The following HMGXB4 variants were observed in gnomAD, a reference collection of about 807,000 sequenced individuals.
HMGXB4 encodes the protein HMG domain-containing protein 4.
Under a neutral mutation model 63.9 loss-of-function variants are expected in HMGXB4, and 27 were observed. The observed-to-expected ratio is 0.42, with a 90% confidence interval of 0.31 to 0.58. The LOEUF (loss-of-function observed/expected upper bound fraction) is 0.58. Among genes scored for constraint, HMGXB4 ranks in the 20% least tolerant of loss-of-function variants. The pLI is 0.13. For missense variants in HMGXB4, 624 were observed against 700.7 expected (o/e 0.89, Z 1.24); for synonymous variants, 264 against 265.3 (o/e 0.99, Z 0.05).
upstream of HMGXB4, among the ~76,000 whole-genome samples, chr22:35,254,720 C>A (rs1922317771): frequency 6.6e-6 from 1 of 152,210 alleles, no homozygotes; most frequent in African/African-American, 2.4e-5. Flanking sequence ...ACAGTACCTG[C>A]CACATGCTGT....
At position 35,265,405 on chromosome 22, in the gene HMGXB4, C is replaced by T; in HGVS notation, c.1017C>T (p.His339=). ...AGGAGAAGCATAAAGAGAAGCGACA[C>T]TCCAAGTCCAAGAGAAGTTTAGGAC... ...KDKEKHKEKR[H]SKSKRSLGLS... Residue 339 remains histidine (H), a synonymous_variant, in exon 5 of 11, where the codon CAC becomes CAT. Transcript: ENST00000216106. The T allele has an allele frequency of 1.2e-6, 2 of 1,614,078 alleles. No individual in the cohort carries two copies. The highest frequency in any genetic ancestry group is 1.7e-6 in the Non-Finnish European group (2 of 1,180,010).
chr22:35,264,177 C>A, intron 4 of HMGXB4: 1 of 804,516 alleles, frequency 1.2e-6, no homozygotes, highest in Non-Finnish European at 1.9e-6. Flanking sequence ...ATACGTAGTC[C>A]TCTGGCCTGC....
chr22:35,248,218 A>G, the HMGXB4 span, among the ~76,000 whole-genome samples: 1 of 152,160 alleles, frequency 6.6e-6, no homozygotes, highest in African/African-American at 2.4e-5. Flanking sequence ...TTTCATTGCT[A>G]CAAAGAAATA....
chr22:35,273,756 A>G (rs1923742599), intron 5 of HMGXB4, among the ~76,000 whole-genome samples: 1 of 152,248 alleles, frequency 6.6e-6, no homozygotes, highest in South Asian at 2.1e-4. Flanking sequence ...GAAAGAAAAC[A>G]GGGCCTCTAA....
rs144934699 is a variant in HMGXB4, at chr22:35,284,885, A to G, written c.1297+842A>G. ...TAAAATCGCTGCCCTACCAACTCCA[A>G]AAGACTGCAGTGTTAGGCACACATG... is the stretch of plus-strand genomic sequence containing the variant. On this transcript the variant is annotated intron_variant, in intron 6 of 10. Transcript: ENST00000216106. Among the ~76,000 whole-genome samples, 468 of 152,304 alleles carry G rather than the reference A, an allele frequency of 3.1e-3. 2 individuals carry two copies. The highest frequency in any genetic ancestry group is 0.011 in the African/African-American group (450 of 41,558).
intron 5 of HMGXB4, among the ~76,000 whole-genome samples, chr22:35,282,819 T>A (rs1924349165): frequency 6.6e-6 from 1 of 152,156 alleles, no homozygotes; most frequent in Admixed American, 6.5e-5. Context: ...CAATGAGAAA[T>A]TTGGATAGAT....
intron 5 of HMGXB4, among the ~76,000 whole-genome samples, chr22:35,278,472 G>A (rs183172368): frequency 4.6e-5 from 7 of 152,154 alleles, no homozygotes; most frequent in African/African-American, 9.6e-5. Context: ...AGCCCCATTC[G>A]TACAAGGATC....
rs1925064042 is a variant in HMGXB4, at chr22:35,293,676, C to G, written c.*25C>G. On this transcript the variant is annotated 3_prime_UTR_variant, in exon 11 of 11. Coordinates refer to ENST00000216106, the MANE Select transcript of HMGXB4 (RefSeq NM_001003681.3). Reference sequence around the variant, plus strand: ...ACAGCAAAGAATCCTGGGACAGAAACCTTATCCTACACCATTGCTGGTTTG... The same window carrying G: ...ACAGCAAAGAATCCTGGGACAGAAAGCTTATCCTACACCATTGCTGGTTTG... 6.4e-7 allele frequency: 1 copy of G among 1,568,974 alleles called. No homozygotes were observed.
intron 6 of HMGXB4, among the ~76,000 whole-genome samples, chr22:35,285,524 G>A (rs559357630): frequency 1.9e-4 from 29 of 152,200 alleles, no homozygotes; most frequent in African/African-American, 5.1e-4. Context: ...CAGCCTGGGC[G>A]ACAGAGCGAG....
the HMGXB4 span, among the ~76,000 whole-genome samples, chr22:35,247,642 C>T: frequency 6.6e-6 from 1 of 151,856 alleles, no homozygotes; most frequent in African/African-American, 2.4e-5. Context: ...GGCATTAAGC[C>T]AAGGCAGCCA....
chr22:35,281,096 G>C (rs1279967187), intron 5 of HMGXB4, among the ~76,000 whole-genome samples: 3 of 152,084 alleles, frequency 2.0e-5, no homozygotes, highest in Non-Finnish European at 2.9e-5. Context: ...TACTTTAATG[G>C]GTTACTTTTT....
At chr22:35,253,541 A>G (rs1922275186), upstream of HMGXB4, among the ~76,000 whole-genome samples, 2 of 152,238 alleles carry the variant, frequency 1.3e-5, no homozygotes, top group Non-Finnish European at 2.9e-5. Context: ...GAACTATCAC[A>G]ATACTGAATG....
chr22:35,279,132 C>CTTTTTTTTTTTTTTTTTTTT (rs551006065), intron 5 of HMGXB4, among the ~76,000 whole-genome samples: 1 of 50,802 alleles, frequency 2.0e-5, no homozygotes, highest in Admixed American at 3.5e-4. Flanking sequence ...TATGGATTGT[C>CTTTTTTTTTTTTTTTTTTTT]TTTTTTTTTT....
At chr22:35,259,044 A>T (rs564331125) in intron 1 of HMGXB4, among the ~76,000 whole-genome samples, 1 of 152,196 alleles carries the variant, frequency 6.6e-6, no homozygotes, top group Admixed American at 6.5e-5. Flanking sequence ...ATATCTGAGG[A>T]CTTTTTCCTC....
chr22:35,257,131 G>T (rs577281909), upstream of HMGXB4, among the ~76,000 whole-genome samples: 46 of 152,320 alleles, frequency 3.0e-4, no homozygotes, highest in Middle Eastern at 0.017. Context: ...TATCTTGAAA[G>T]AAACAGCATA....
chr22:35,245,479 T>G, the HMGXB4 span, among the ~76,000 whole-genome samples: 1 of 152,144 alleles, frequency 6.6e-6, no homozygotes, highest in Non-Finnish European at 1.5e-5. Flanking sequence ...GAAGTATCTT[T>G]ATGATGGCTG....
chr22:35,263,896 A>T (rs1346292606), intron 4 of HMGXB4, 22 bp downstream of exon 4: 1 of 1,607,996 alleles, frequency 6.2e-7, no homozygotes, highest in Non-Finnish European at 8.5e-7. Flanking sequence ...AATGGGCAAC[A>T]GGTGGGATAA....
chr22:35,248,270 C>T, the HMGXB4 span, among the ~76,000 whole-genome samples: 2 of 152,102 alleles, frequency 1.3e-5, no homozygotes, highest in Non-Finnish European at 2.9e-5. Flanking sequence ...GTTTAATTGG[C>T]TAATGGTTCT....
Position 35,265,439 on chromosome 22 carries a change from G to C in HMGXB4, c.1051G>C (p.Val351Leu). The C allele has an allele frequency of 1.2e-6, 2 of 1,614,076 alleles. No homozygotes were observed. The highest frequency in any genetic ancestry group is 1.7e-6 in the Non-Finnish European group (2 of 1,180,016). ...CAAGAGAAGTTTAGGACTTTCTGCC[G>C]TGCCAGTGGGAGAGGTCACAGTGAC... Reference protein sequence around the residue: ...KSKRSLGLSAVPVGEVTVTSG... With the variant: ...KSKRSLGLSALPVGEVTVTSG... The change falls in exon 5 of 11, where the codon GTG becomes CTG. Residue 351 changes from valine (V) to leucine (L), a missense_variant. By Grantham distance (32) the Val-to-Leu change is conservative. Coordinates refer to ENST00000216106, the MANE Select transcript of HMGXB4 (RefSeq NM_001003681.3).
Sources: gnomAD v4.1 joint callset for allele counts (sites outside exome capture counted in the v4.1 genomes callset) on GRCh38, gnomAD v4.1.1 for gene constraint, MANE v1.5 for transcripts, NCBI Gene and HGNC (gene_info 2026-07-23, HGNC 2026-07-21) for gene names.